Variants in CCDC144A observed in about 807,000 individuals in gnomAD.
CCDC144A encodes the protein coiled-coil domain-containing protein 144A.
Under a neutral mutation model 143.8 loss-of-function variants are expected in CCDC144A, and 41 were observed. That is an observed-to-expected ratio of 0.29 (90% confidence interval 0.22 to 0.37). The LOEUF is 0.37. CCDC144A is among the 10% of genes least tolerant of loss of function. CCDC144A has a pLI of 1.00. For missense variants in CCDC144A, 637 were observed against 1,488.8 expected (o/e 0.43, Z 9.41); for synonymous variants, 242 against 517.9 (o/e 0.47, Z 7.23).
At chr17:16,704,535 T>C (rs1383512908) in intron 2 of CCDC144A, among the ~76,000 whole-genome samples, 2 of 151,902 alleles carry the variant, frequency 1.3e-5, no homozygotes, top group Non-Finnish European at 2.9e-5. Context: ...TATGTATTCC[T>C]TTCCTGTCTC....
At chr17:16,767,450 T>A (rs188181643) in intron 15 of CCDC144A, among the ~76,000 whole-genome samples, 2 of 140,284 alleles carry the variant, frequency 1.4e-5, no homozygotes, top group East Asian at 4.4e-4. Context: ...TAGGAAAACA[T>A]CAGCTAATAC....
At chr17:16,713,858 C>CCTTGAAAGAG in intron 6 of CCDC144A, among the ~76,000 whole-genome samples, 1 of 152,126 alleles carries the variant, frequency 6.6e-6, no homozygotes, top group Non-Finnish European at 1.5e-5. Context: ...CCTAGGTATG[C>CCTTGAAAGAG]TGGCCTTGAA....
upstream of CCDC144A, chr17:16,690,206 A>C (rs1910960406): frequency 7.3e-6 from 3 of 410,834 alleles, no homozygotes; most frequent in Non-Finnish European, 1.3e-5. Context: ...GGGCAGGCGC[A>C]CTGGTCTGTA....
upstream of CCDC144A, among the ~76,000 whole-genome samples, chr17:16,686,091 G>GTTTTTTTT (rs67135656): frequency 2.5e-4 from 29 of 114,712 alleles, no homozygotes; most frequent in Admixed American, 3.8e-4. Flanking sequence ...TGTTTTTTTT[G>GTTTTTTTT]TTTTTTTTTT....
At chr17:16,711,604 A>C (rs1912448589) in intron 5 of CCDC144A, 75 bp from the exon 6 acceptor site, 2 of 1,607,344 alleles carry the variant, frequency 1.2e-6, no homozygotes, top group Non-Finnish European at 1.7e-6. Flanking sequence ...TGATGAAATC[A>C]ATGCAAACAG....
At chr17:16,754,578 G>A (rs999001548) in intron 12 of CCDC144A, among the ~76,000 whole-genome samples, 16 of 152,252 alleles carry the variant, frequency 1.1e-4, no homozygotes, top group African/African-American at 1.7e-4. Flanking sequence ...AGTTTTTGTC[G>A]TTACTGATTT....
chr17:16,766,342 CT>C (rs1245665265), intron 15 of CCDC144A: 2 of 152,248 alleles, frequency 1.3e-5, no homozygotes, highest in African/African-American at 4.8e-5. Context: ...CTGAGTTTTC[CT>C]TTTAGCTTAG....
chr17:16,755,019 T>C (rs1352443543), intron 12 of CCDC144A, among the ~76,000 whole-genome samples: 1 of 152,264 alleles, frequency 6.6e-6, no homozygotes, highest in Non-Finnish European at 1.5e-5. Flanking sequence ...TTTTTTTTAC[T>C]TAAGATCTAT....
Position 16,709,099 on chromosome 17 carries a change from G to T in CCDC144A, c.1042G>T (p.Asp348Tyr), listed in dbSNP as rs758193537. The change falls in exon 5 of 17, where the codon GAT (aspartate) becomes TAT (tyrosine). Residue 348 changes from aspartate (D) to tyrosine (Y), a missense_variant. Coordinates refer to ENST00000399273, the MANE Select transcript of CCDC144A (RefSeq NM_001382000.1). ...TNNIPGCEEE[D>Y]ASEISVSVVF... ...TAACATACCTGGTTGTGAGGAAGAA[G>T]ATGCATCTGAAATATCTGTCTCAGT... 15 of 1,611,534 alleles carry T rather than the reference G, an allele frequency of 9.3e-6. No individual in the cohort carries two copies. In the South Asian group the frequency reaches 1.6e-4, roughly 18 times the overall value.
At chr17:16,743,797 C>T (rs1445458904) in intron 12 of CCDC144A, among the ~76,000 whole-genome samples, 2 of 152,156 alleles carry the variant, frequency 1.3e-5, no homozygotes, top group East Asian at 3.9e-4. Context: ...AGGTAATGAG[C>T]ATAGTACCTG....
Position 16,734,901 on chromosome 17 carries a change from C to G in CCDC144A, c.2630C>G (p.Thr877Arg). The change falls in exon 12 of 17, where the codon ACA becomes AGA. Residue 877 changes from threonine (T) to arginine (R), a missense_variant. By Grantham distance (71) the Thr-to-Arg change is moderately conservative. Coordinates refer to ENST00000399273, the MANE Select transcript of CCDC144A (RefSeq NM_001382000.1). ...CTAAATGAGGAAACATTAACAGAAACAATACTCCAGTACAGTGGACAGCTG... is the reference window on the plus strand; with the variant it reads ...CTAAATGAGGAAACATTAACAGAAAGAATACTCCAGTACAGTGGACAGCTG... ...IKLNEETLTE[T>R]ILQYSGQLNN... The G allele has an allele frequency of 5.1e-6, 8 of 1,575,294 alleles. No individual in the cohort carries two copies. The highest frequency in any genetic ancestry group is 6.9e-6 in the Non-Finnish European group (8 of 1,162,164).
At chr17:16,669,730 C>G in the CCDC144A span, among the ~76,000 whole-genome samples, 1 of 152,184 alleles carries the variant, frequency 6.6e-6, no homozygotes, top group African/African-American at 2.4e-5. Flanking sequence ...GTTATTACCA[C>G]TGGTATCTAG....
intron 1 of CCDC144A, among the ~76,000 whole-genome samples, chr17:16,691,501 C>T (rs1374983745): frequency 4.6e-5 from 7 of 151,850 alleles, no homozygotes; most frequent in Non-Finnish European, 8.8e-5. Flanking sequence ...GTGGCTCATG[C>T]CTGTAATCCC....
chr17:16,744,310 A>G (rs940073897), intron 12 of CCDC144A, among the ~76,000 whole-genome samples: 3 of 152,222 alleles, frequency 2.0e-5, no homozygotes, highest in African/African-American at 4.8e-5. Context: ...ATTTTCTCCA[A>G]TAGTGTATTA....
At position 16,777,247 on chromosome 17, in the gene CCDC144A, G is replaced by A. The variant is rs1916030676; in HGVS notation, c.*3614G>A. 6.9e-6 allele frequency: 1 copy of A among 145,682 alleles called. No homozygotes were observed. The highest frequency in any genetic ancestry group is 2.6e-5 in the African/African-American group (1 of 38,430). The allele number at this position is 145,682 out of a possible 1,614,324, so 9.0% of individuals were successfully genotyped here. On this transcript the variant is annotated 3_prime_UTR_variant, in exon 17 of 17. Transcript: ENST00000399273. ...CTAGACATAAGAAATGAGGTAGTTG[G>A]CAACACAATAATAGTGGGGGATGTT...
the CCDC144A span, chr17:16,684,297 A>G: frequency 1.3e-6 from 1 of 775,658 alleles, no homozygotes; most frequent in Non-Finnish European, 2.4e-6. Flanking sequence ...CTAGAGATTA[A>G]TGGTTTATGT....
At chr17:16,744,916 C>G (rs1914424741) in intron 12 of CCDC144A, among the ~76,000 whole-genome samples, 1 of 152,130 alleles carries the variant, frequency 6.6e-6, no homozygotes, top group Admixed American at 6.5e-5. Flanking sequence ...TGTGCTATAT[C>G]TCGTTTATCC....
At chr17:16,740,910 G>A (rs1309316762) in intron 12 of CCDC144A, among the ~76,000 whole-genome samples, 1 of 151,358 alleles carries the variant, frequency 6.6e-6, no homozygotes, top group East Asian at 1.9e-4. Context: ...TTCATAACTC[G>A]GGGGACAAAT....
chr17:16,708,566 C>T, intron 4 of CCDC144A: 3 of 537,224 alleles, frequency 5.6e-6, no homozygotes, highest in Non-Finnish European at 9.9e-6. Context: ...CTCCTCCTTT[C>T]AGCTAAGACA....
Sources: allele counts gnomAD v4.1 joint callset (sites outside exome capture counted in the v4.1 genomes callset), GRCh38; gene constraint gnomAD v4.1.1; transcripts MANE v1.5; gene names NCBI Gene and HGNC (gene_info 2026-07-23, HGNC 2026-07-21).